Variants in CAPN5 observed in about 807,000 individuals in gnomAD.
CAPN5 encodes the protein calpain-5.
In CAPN5, 54 loss-of-function variants were observed where a neutral mutation model predicts 73.0. That is an observed-to-expected ratio of 0.74 (90% CI 0.59 to 0.93). The LOEUF (loss-of-function observed/expected upper bound fraction) is 0.93. CAPN5 is among the 40% of genes least tolerant of loss of function. The probability of loss-of-function intolerance (pLI) is 0.00; values close to 1 mark genes in which losing one functional copy is unlikely to be tolerated. For synonymous variants in CAPN5, 335 were observed against 356.9 expected, an observed-to-expected ratio of 0.94 and a Z score of 0.69; for missense variants, 785 against 882.9, an observed-to-expected ratio of 0.89 and a Z score of 1.41.
chr11:77,077,054 T>A (rs1314270864), intron 1 of CAPN5, among the ~76,000 whole-genome samples: 1 of 152,254 alleles, frequency 6.6e-6, no homozygotes, highest in Non-Finnish European at 1.5e-5. Flanking sequence ...ATAAAAGACG[T>A]ATCTTTTGTA....
intron 3 of CAPN5, among the ~76,000 whole-genome samples, chr11:77,102,248 C>T (rs1474720060): frequency 6.6e-6 from 1 of 151,948 alleles, no homozygotes; most frequent in Non-Finnish European, 1.5e-5. Flanking sequence ...GGGGAAGGGT[C>T]CCGGGGTGTT....
At position 77,114,303 on chromosome 11, in the gene CAPN5, A is replaced by C. The variant is rs782126672; in HGVS notation, c.568A>C (p.Thr190Pro). 1 of 1,614,154 alleles carries C rather than the reference A, an allele frequency of 6.2e-7. No homozygotes were observed. The highest frequency in any genetic ancestry group is 1.3e-5 in the African/African-American group (1 of 75,034). The change falls in exon 5 of 13, where the codon ACG (threonine) becomes CCG (proline). Residue 190 changes from threonine to proline, a missense_variant. Physicochemically the swap from Thr to Pro is conservative, Grantham distance 38. Coordinates refer to ENST00000648180, the MANE Select transcript of CAPN5 (RefSeq NM_004055.5). The part of the protein sequence containing the change: ...GNTADALVDF[T>P]GGVSEPIDLT... Reference sequence around the variant, plus strand: ...CACAGCAGACGCACTGGTGGACTTCACGGGTGGTGTTTCTGAGCCCATCGA... The same window carrying C: ...CACAGCAGACGCACTGGTGGACTTCCCGGGTGGTGTTTCTGAGCCCATCGA...
At chr11:77,119,229 G>A in intron 9 of CAPN5, 77 bp downstream of exon 9, 3 of 1,461,462 alleles carry the variant, frequency 2.1e-6, no homozygotes, top group Non-Finnish European at 2.8e-6. Flanking sequence ...GCCTGAGGAA[G>A]AACGCTCTAG....
At chr11:77,071,396 G>C (rs72931522) in intron 1 of CAPN5, among the ~76,000 whole-genome samples, 22,744 of 152,240 alleles carry the variant, frequency 0.15, 1,809 homozygotes, top group Middle Eastern at 0.23. Context: ...GGGCCTTTCA[G>C]GGTGGAGTGC....
intron 3 of CAPN5, among the ~76,000 whole-genome samples, chr11:77,102,026 T>G (rs1950290329): frequency 6.6e-6 from 1 of 152,124 alleles, no homozygotes; most frequent in Admixed American, 6.5e-5. Flanking sequence ...CAAGGCACAG[T>G]CCCTGGCCCA....
chr11:77,104,627 C>G (rs781896417), intron 3 of CAPN5, among the ~76,000 whole-genome samples: 1 of 152,222 alleles, frequency 6.6e-6, no homozygotes, highest in Admixed American at 6.5e-5. Context: ...GAGAGCCCCC[C>G]CTTTTGGGGG....
chr11:77,114,513 C>A, intron 5 of CAPN5, 79 bp downstream of exon 5: 1 of 1,325,732 alleles, frequency 7.5e-7, no homozygotes, highest in Non-Finnish European at 1.1e-6. Flanking sequence ...TGTGACATCC[C>A]ACGCTCAGGT....
intron 3 of CAPN5, among the ~76,000 whole-genome samples, chr11:77,099,721 G>C (rs1220370722): frequency 6.7e-6 from 1 of 149,336 alleles, no homozygotes; most frequent in African/African-American, 2.5e-5. Context: ...GAGAGGGAGA[G>C]GGAGACGGAG....
At chr11:77,075,598 C>T (rs1949961150) in intron 1 of CAPN5, among the ~76,000 whole-genome samples, 1 of 152,244 alleles carries the variant, frequency 6.6e-6, no homozygotes, top group African/African-American at 2.4e-5. Context: ...AGGGCTACAG[C>T]TGTGAAGGGC....
At chr11:77,122,932 G>C (rs79898671) in intron 12 of CAPN5, among the ~76,000 whole-genome samples, 4,020 of 152,314 alleles carry the variant, frequency 0.026, 81 homozygotes, top group African/African-American at 0.064. Context: ...GTGGTCCTGA[G>C]ACCCAGCAGG....
In CAPN5 at chr11:77,122,462, C is replaced by T. The variant is rs1555042986; in HGVS notation, c.1604-114C>T. ...AAGGGGCCCTGAGGTGGGTCAGGCT[C>T]CAGTCTCTCCATCTGAATAACTGAG... On this transcript the variant is annotated intron_variant, in intron 11 of 12. Transcript: ENST00000648180. 33 of 917,852 alleles carry T rather than the reference C, an allele frequency of 3.6e-5. No individual in the cohort carries two copies. The East Asian group carries it at 8.0e-4, about 22-fold the overall frequency. 56.9% of individuals were successfully genotyped at this position (917,852 alleles called of 1,614,324 possible). A position where few individuals can be genotyped will look rare whatever the true frequency, so the allele number is the denominator to read the frequency against.
intron 1 of CAPN5, among the ~76,000 whole-genome samples, chr11:77,083,700 C>T (rs1306410865): frequency 6.6e-6 from 1 of 152,156 alleles, no homozygotes; most frequent in Non-Finnish European, 1.5e-5. Context: ...GGCTCCTCAG[C>T]CTTCAGTTAA....
intron 2 of CAPN5, among the ~76,000 whole-genome samples, chr11:77,092,549 A>G (rs1329819124): frequency 6.6e-6 from 1 of 152,268 alleles, no homozygotes; most frequent in Non-Finnish European, 1.5e-5. Context: ...GGCTTCCAGA[A>G]ATTAGGAAGG....
chr11:77,111,468 T>C (rs1287576205), intron 3 of CAPN5, among the ~76,000 whole-genome samples: 2 of 152,152 alleles, frequency 1.3e-5, no homozygotes, highest in Admixed American at 1.3e-4. Flanking sequence ...GGCTGGATAA[T>C]AGTCATCTAC....
At position 77,070,700 on chromosome 11, in the gene CAPN5, A is replaced by C. The variant is rs542615865; in HGVS notation, c.-36+3606A>C. On this transcript the variant is annotated intron_variant, in intron 1 of 12. Transcript: ENST00000648180. ...TGGTGGCTGAAAACAACACAGATTT[A>C]TGCTCTTACAGTTCCGGAGATGAGA... 9.2e-5 allele frequency among the ~76,000 whole-genome samples: 14 copies of C among 152,294 alleles called. No homozygotes were observed. The South Asian group carries it at 2.3e-3, about 25-fold the overall frequency.
At chr11:77,071,587 C>A (rs782133046) in intron 1 of CAPN5, 3 of 447,844 alleles carry the variant, frequency 6.7e-6, no homozygotes, top group Non-Finnish European at 1.4e-5. Context: ...GCCAGTAGAG[C>A]AGAAAATACC....
At chr11:77,104,126 G>A (rs562158043) in intron 3 of CAPN5, among the ~76,000 whole-genome samples, 6 of 152,348 alleles carry the variant, frequency 3.9e-5, no homozygotes, top group Non-Finnish European at 7.3e-5. Context: ...ATTGCTGCTG[G>A]TTCAAGGATG....
chr11:77,115,126 A>AC (rs1950452683), intron 5 of CAPN5, among the ~76,000 whole-genome samples: 1 of 152,186 alleles, frequency 6.6e-6, no homozygotes, highest in Non-Finnish European at 1.5e-5. Flanking sequence ...ATATTTAACA[A>AC]TTTAAATATT....
At chr11:77,111,827 G>C (rs1950413021) in intron 3 of CAPN5, among the ~76,000 whole-genome samples, 1 of 152,146 alleles carries the variant, frequency 6.6e-6, no homozygotes, top group South Asian at 2.1e-4. Context: ...AGGGGTCCTG[G>C]CCTAATCTGA....
Sources: allele counts gnomAD v4.1 joint callset (sites outside exome capture counted in the v4.1 genomes callset), GRCh38; gene constraint gnomAD v4.1.1; transcripts MANE v1.5; gene names NCBI Gene and HGNC (gene_info 2026-07-23, HGNC 2026-07-21).